The following SPTA1 variants were observed in gnomAD, a reference collection of about 807,000 sequenced individuals.
SPTA1 encodes the protein spectrin alpha, erythrocytic 1.
SPTA1 carries 177 observed loss-of-function variants against 324.7 expected under a neutral mutation model. The ratio of observed to expected loss-of-function variants is 0.55; its 90% CI spans 0.48 to 0.62. SPTA1 has a LOEUF of 0.62. Among genes scored for constraint, SPTA1 ranks in the 20% least tolerant of loss-of-function variants. The pLI is 0.00. For missense variants in SPTA1, 3,162 were observed against 2,883.6 expected, an observed-to-expected ratio of 1.10 and a Z score of -2.21; for synonymous variants, 1,195 against 1,041.3, an observed-to-expected ratio of 1.15 and a Z score of -2.84.
Position 158,685,309 on chromosome 1 carries a change from T to C in SPTA1, c.63A>G (p.Ala21=). The C allele has an allele frequency of 1.9e-6, 3 of 1,613,800 alleles. No individual in the cohort carries two copies. Among genetic ancestry groups the C allele is most frequent in the Non-Finnish European group, 2.5e-6 (3 of 1,179,808 alleles). The part of the protein sequence containing the change: ...ESSGPKVLET[A]EEIQERRQEV... ...CCTGACGCCTCTCCTGGATCTCTTC[T>C]GCTGTTTCCAAAACCTTTGGCCCAC... is the stretch of plus-strand genomic sequence containing the variant. Residue 21 remains alanine (A), a synonymous_variant, in exon 2 of 52, where the codon GCA becomes GCG. Transcript: ENST00000643759.
intron 2 of SPTA1, 110 bp downstream of exon 2, chr1:158,684,998 G>A: frequency 7.6e-7 from 1 of 1,315,180 alleles, no homozygotes; most frequent in South Asian, 1.2e-5. Flanking sequence ...TTTCTAAACG[G>A]AATCTAATTG....
At chr1:158,677,896 C>T (rs1654510323) in intron 6 of SPTA1, 62 bp from the exon 7 acceptor site, 5 of 1,605,396 alleles carry the variant, frequency 3.1e-6, no homozygotes, top group Non-Finnish European at 4.3e-6. Context: ...GCAAACGGTC[C>T]AACAGAACTC....
rs546019791 is a variant in SPTA1 at position 158,619,782 on chromosome 1, G to T, written c.6417+388C>A. On this transcript the variant is annotated intron_variant, in intron 44 of 51. Transcript: ENST00000643759. ...ATGAACATTATTAACACAGACAAAA[G>T]CTAAAAATACATACGTAGCAAGGCA... Among the ~76,000 whole-genome samples, 3 of 152,254 alleles carry T rather than the reference G, an allele frequency of 2.0e-5. No homozygotes were observed. The South Asian group carries it at 6.2e-4, about 32-fold the overall frequency.
rs1654302205 is a variant in SPTA1 at position 158,675,028 on chromosome 1, A to T, written c.1113-353T>A. 2.0e-5 allele frequency among the ~76,000 whole-genome samples: 3 copies of T among 152,174 alleles called. No homozygotes were observed. The South Asian group carries it at 6.2e-4, about 32-fold the overall frequency. ...AATACATGTTGTTATATAAATAAGA[A>T]TCACCTTATGGGAAGGAAGAACTAG... On this transcript the variant is annotated intron_variant, in intron 8 of 51. Coordinates refer to ENST00000643759, the MANE Select transcript of SPTA1 (RefSeq NM_003126.4).
chr1:158,673,266 A>G (rs1370934996), intron 10 of SPTA1, among the ~76,000 whole-genome samples: 1 of 152,200 alleles, frequency 6.6e-6, no homozygotes, highest in African/African-American at 2.4e-5. Context: ...GTTCTGGGAG[A>G]ATTCAAAACT....
intron 35 of SPTA1, among the ~76,000 whole-genome samples, chr1:158,639,030 G>A (rs1651322636): frequency 6.6e-6 from 1 of 152,012 alleles, no homozygotes; most frequent in Non-Finnish European, 1.5e-5. Context: ...TTGACTTCCT[G>A]CCTTTTCTGT....
In SPTA1 at chr1:158,626,237, C is replaced by A. The variant is rs192889943; in HGVS notation, c.5834-15G>T. 2.5e-6 allele frequency: 4 copies of A among 1,612,422 alleles called. No individual in the cohort carries two copies. The highest frequency in any genetic ancestry group is 1.7e-4 in the Middle Eastern group (1 of 6,056). On this transcript the variant is annotated splice_polypyrimidine_tract_variant and intron_variant, in intron 41 of 51. Transcript: ENST00000643759. ...TTCCTTATCAGCTAAAAGGCAAAAACAATTAAGAAGAGAAAGACATTTGGT... is the reference window on the plus strand; with the variant it reads ...TTCCTTATCAGCTAAAAGGCAAAAAAAATTAAGAAGAGAAAGACATTTGGT...
intron 7 of SPTA1, 109 bp from the exon 8 acceptor site, chr1:158,676,404 A>G (rs1654397643): frequency 8.4e-7 from 1 of 1,187,652 alleles, no homozygotes; most frequent in African/African-American, 1.5e-5. Flanking sequence ...TAATTTAGAA[A>G]TCGACATATG....
chr1:158,620,351 C>G lies in SPTA1; in HGVS notation c.6236G>C (p.Arg2079Pro), dbSNP rs754206036. ...GTCCTCATGGTCTTTCTGCAGCTGC[C>G]GAATTTCATTCAGGGAGACACAGTG... ...PVHCVSLNEI[R>P]QLQKDHEDFL... is the part of the protein sequence containing the mutation. Residue 2079 changes from arginine (R) to proline (P), a missense_variant, in exon 44 of 52, where the codon CGG (arginine) becomes CCG (proline). Physicochemically the swap from Arg to Pro is moderately radical, Grantham distance 103. Transcript: ENST00000643759. 1 of 1,613,980 alleles carries G rather than the reference C, an allele frequency of 6.2e-7. No homozygotes were observed. The highest frequency in any genetic ancestry group is 1.1e-5 in the South Asian group (1 of 91,062).
At chr1:158,680,945 C>A (rs950784316) in intron 4 of SPTA1, among the ~76,000 whole-genome samples, 2 of 152,252 alleles carry the variant, frequency 1.3e-5, no homozygotes, top group Non-Finnish European at 2.9e-5. Context: ...AGTTCTTTAG[C>A]AAGTTTGTGG....
intron 16 of SPTA1, among the ~76,000 whole-genome samples, chr1:158,665,251 G>A (rs888584088): frequency 2.6e-5 from 4 of 151,992 alleles, no homozygotes; most frequent in Admixed American, 6.6e-5. Flanking sequence ...TCTGTTCTCC[G>A]GGTAGATTTC....
intron 42 of SPTA1, among the ~76,000 whole-genome samples, chr1:158,623,558 A>G (rs1650062529): frequency 6.6e-6 from 1 of 152,224 alleles, no homozygotes; most frequent in Non-Finnish European, 1.5e-5. Flanking sequence ...TGTGATAGTG[A>G]GTGAGTTCTC....
In SPTA1 at chr1:158,613,732, C is replaced by G; in HGVS notation, c.6978G>C (p.Val2326=). 6.2e-7 allele frequency: 1 copy of G among 1,613,814 alleles called. No individual in the cohort carries two copies. The highest frequency in any genetic ancestry group is 1.1e-5 in the South Asian group (1 of 91,072). Residue 2326 remains valine, a synonymous_variant, in exon 50 of 52, where the codon GTG becomes GTC. Coordinates refer to ENST00000643759, the MANE Select transcript of SPTA1 (RefSeq NM_003126.4). ...EPKFEKFLDA[V]DPGRKGYVSL... is the part of the protein sequence containing the mutation. ...AGTCTTGTTCCTACCTCCCTGGATC[C>G]ACAGCATCCAGGAACTTCTCAAACT...
At chr1:158,642,568 A>G (rs756222840) in intron 32 of SPTA1, 26 bp from the exon 33 acceptor site, 1 of 1,612,790 alleles carries the variant, frequency 6.2e-7, no homozygotes, top group Non-Finnish European at 8.5e-7. Flanking sequence ...AACAGAAATT[A>G]TATTATCTTT....
intron 20 of SPTA1, among the ~76,000 whole-genome samples, chr1:158,655,394 A>C (rs2101871403): frequency 6.6e-6 from 1 of 151,844 alleles, no homozygotes; most frequent in East Asian, 1.9e-4. Context: ...GTCTCTGAGA[A>C]ATCAAGCAAA....
At chr1:158,646,859 G>C (rs938645965) in intron 27 of SPTA1, among the ~76,000 whole-genome samples, 6 of 152,144 alleles carry the variant, frequency 3.9e-5, no homozygotes, top group Admixed American at 1.3e-4. Flanking sequence ...TGATGCGATA[G>C]AGCCAAACGT....
intron 35 of SPTA1, among the ~76,000 whole-genome samples, chr1:158,638,514 TC>T (rs1264067517): frequency 6.6e-6 from 1 of 151,984 alleles, no homozygotes; most frequent in Non-Finnish European, 1.5e-5. Flanking sequence ...TTGCCTTCTC[TC>T]CCCAACTAAA....
At chr1:158,667,305 G>T (rs1222137409) in intron 15 of SPTA1, among the ~76,000 whole-genome samples, 1 of 152,140 alleles carries the variant, frequency 6.6e-6, no homozygotes, top group Non-Finnish European at 1.5e-5. Context: ...CCAAAGTAAA[G>T]GGTAAAATAT....
chr1:158,624,988 A>G (rs1002165355), intron 42 of SPTA1, among the ~76,000 whole-genome samples: 1 of 152,246 alleles, frequency 6.6e-6, no homozygotes. Context: ...CTGACCAAAA[A>G]GTAGGGGTTG....
Sources: allele counts gnomAD v4.1 joint callset (sites outside exome capture counted in the v4.1 genomes callset), GRCh38; gene constraint gnomAD v4.1.1; transcripts MANE v1.5; gene names NCBI Gene and HGNC (gene_info 2026-07-23, HGNC 2026-07-21).